LARGE1: variants seen among roughly 807,000 people sequenced by gnomAD.
LARGE1 encodes LARGE xylosyl- and glucuronyltransferase 1.
Under a neutral mutation model 87.6 loss-of-function variants are expected in LARGE1, and 43 were observed. The observed-to-expected ratio is 0.49, with a 90% CI of 0.38 to 0.63. The LOEUF (loss-of-function observed/expected upper bound fraction) is 0.63. LARGE1 is among the 30% of genes least tolerant of loss of function. LARGE1 has a pLI of 0.00. For missense variants in LARGE1, 802 were observed against 1,000.2 expected (o/e 0.80, Z 2.67); for synonymous variants, 434 against 394.6 (o/e 1.10, Z -1.18).
At chr22:33,582,668 C>T (rs376641009) in intron 5 of LARGE1, among the ~76,000 whole-genome samples, 15 of 152,314 alleles carry the variant, frequency 9.8e-5, no homozygotes, top group East Asian at 3.9e-4. Context: ...AGCAGGTACG[C>T]CTCATCCAAA....
chr22:33,302,746 C>T (rs571935575), intron 12 of LARGE1, among the ~76,000 whole-genome samples: 11 of 152,066 alleles, frequency 7.2e-5, no homozygotes, highest in Non-Finnish European at 1.5e-4. Flanking sequence ...GAAACCCCAG[C>T]GCAGCCCAAC....
intron 4 of LARGE1, 67 bp from the exon 5 acceptor site, chr22:33,604,625 A>G: frequency 6.2e-7 from 1 of 1,600,710 alleles, no homozygotes. Flanking sequence ...AGCTGCAAAA[A>G]CACACTCTTC....
chr22:33,365,670 A>C (rs2064560862), intron 9 of LARGE1, among the ~76,000 whole-genome samples: 1 of 145,238 alleles, frequency 6.9e-6, no homozygotes, highest in Admixed American at 7.1e-5. Flanking sequence ...GCTGGAGTGC[A>C]GTGGCACAAT....
intron 6 of LARGE1, among the ~76,000 whole-genome samples, chr22:33,549,960 T>C (rs937517173): frequency 6.6e-6 from 1 of 152,140 alleles, no homozygotes; most frequent in Non-Finnish European, 1.5e-5. Flanking sequence ...TAGTATTCCA[T>C]GGTGTACATG....
chr22:33,776,658 C>T (rs1008402074), intron 1 of LARGE1, among the ~76,000 whole-genome samples: 8 of 152,162 alleles, frequency 5.3e-5, no homozygotes, highest in African/African-American at 1.9e-4. Flanking sequence ...TTTCATTCTG[C>T]TTAAGCAAAT....
At chr22:33,881,473 T>A (rs2064681252) in intron 1 of LARGE1, among the ~76,000 whole-genome samples, 1 of 152,198 alleles carries the variant, frequency 6.6e-6, no homozygotes, top group African/African-American at 2.4e-5. Context: ...GAATTATAAT[T>A]GGGTTTATCA....
chr22:33,773,317 TCAAA>T (rs1305163081), intron 1 of LARGE1, among the ~76,000 whole-genome samples: 2 of 152,226 alleles, frequency 1.3e-5, no homozygotes, highest in African/African-American at 2.4e-5. Flanking sequence ...CAATATGCTC[TCAAA>T]CAAACATTGA....
At chr22:33,316,922 T>TG (rs1290803927) in intron 10 of LARGE1, among the ~76,000 whole-genome samples, 3 of 151,686 alleles carry the variant, frequency 2.0e-5, no homozygotes, top group African/African-American at 7.3e-5. Flanking sequence ...TCAAATAACA[T>TG]GGGAAAATGG....
At chr22:33,318,129 G>A (rs1936354129) in intron 10 of LARGE1, among the ~76,000 whole-genome samples, 1 of 151,728 alleles carries the variant, frequency 6.6e-6, no homozygotes, top group Non-Finnish European at 1.5e-5. Flanking sequence ...CCAGCTACTC[G>A]GGAGGCTGAG....
chr22:33,083,498 A>G, the LARGE1 span, among the ~76,000 whole-genome samples: 4 of 152,364 alleles, frequency 2.6e-5, no homozygotes, highest in Middle Eastern at 0.01. Context: ...GTACTCACTG[A>G]GCACTTGCTA....
At chr22:33,729,130 C>T (rs1221953386) in intron 2 of LARGE1, among the ~76,000 whole-genome samples, 1 of 152,114 alleles carries the variant, frequency 6.6e-6, no homozygotes, top group Non-Finnish European at 1.5e-5. Flanking sequence ...ATAATATAAA[C>T]CTTAATTCCT....
At chr22:33,921,963 T>A (rs1169534761), upstream of LARGE1, among the ~76,000 whole-genome samples, 1 of 151,958 alleles carries the variant, frequency 6.6e-6, no homozygotes, top group Non-Finnish European at 1.5e-5. The surrounding 1 kb of genome is among the most constrained non-coding windows in gnomAD (Gnocchi z 4.1). Flanking sequence ...CGCCGAGAGC[T>A]GCACAACTCG....
At chr22:33,293,295 T>A (rs1437793989) in intron 12 of LARGE1, among the ~76,000 whole-genome samples, 1 of 152,246 alleles carries the variant, frequency 6.6e-6, no homozygotes, top group East Asian at 1.9e-4. Context: ...AGCCCCATGC[T>A]AAGTGCTTTA....
At chr22:33,830,601 G>T (rs1055817161) in intron 1 of LARGE1, among the ~76,000 whole-genome samples, 1 of 152,208 alleles carries the variant, frequency 6.6e-6, no homozygotes, top group Non-Finnish European at 1.5e-5. Flanking sequence ...TACGGTTACT[G>T]TGAGAATTAA....
chr22:33,770,109 T>C (rs980575378), intron 1 of LARGE1, among the ~76,000 whole-genome samples: 1 of 152,238 alleles, frequency 6.6e-6, no homozygotes, highest in Non-Finnish European at 1.5e-5. Flanking sequence ...AGTTATTCTA[T>C]AGCATTAGCA....
chr22:33,179,030 G>A (rs574719522), intron 11 of LARGE1, among the ~76,000 whole-genome samples: 1 of 152,312 alleles, frequency 6.6e-6, no homozygotes, highest in South Asian at 2.1e-4. Flanking sequence ...AAGAGGGCAA[G>A]AGCATGTGTG....
chr22:33,537,699 C>A (rs993512119), intron 6 of LARGE1, among the ~76,000 whole-genome samples: 2 of 151,986 alleles, frequency 1.3e-5, no homozygotes, highest in East Asian at 3.9e-4. Flanking sequence ...CCCAAGTAGC[C>A]GGGACTACAG....
intron 7 of LARGE1, among the ~76,000 whole-genome samples, chr22:33,390,985 C>T (rs544190543): frequency 6.6e-6 from 1 of 152,166 alleles, no homozygotes; most frequent in Non-Finnish European, 1.5e-5. Context: ...GTGTAAACCA[C>T]CACACCCAGC....
chr22:33,694,846 G>C (rs1457772996), intron 2 of LARGE1, among the ~76,000 whole-genome samples: 1 of 152,156 alleles, frequency 6.6e-6, no homozygotes, highest in African/African-American at 2.4e-5. Flanking sequence ...TTGCATGCCA[G>C]CACTGACTTT....
Sources: allele counts gnomAD v4.1 joint callset (sites outside exome capture counted in the v4.1 genomes callset), GRCh38; gene constraint gnomAD v4.1.1; non-coding constraint Gnocchi (gnomAD v3.1); transcripts MANE v1.5; gene names NCBI Gene and HGNC (gene_info 2026-07-23, HGNC 2026-07-21).